The following TSPAN18 variants were observed in gnomAD, a reference collection of about 807,000 sequenced individuals.
The protein encoded by TSPAN18 is tetraspanin-18.
Under a neutral mutation model 27.3 loss-of-function variants are expected in TSPAN18, and 14 were observed. That is an observed-to-expected ratio of 0.51 (90% CI 0.34 to 0.80). The LOEUF is 0.80. TSPAN18 is among the 30% of genes least tolerant of loss of function. The pLI is 0.01. For synonymous variants in TSPAN18, 143 were observed against 136.5 expected (o/e 1.05, Z -0.33); for missense variants, 268 against 323.9 (o/e 0.83, Z 1.32).
chr11:44,866,066 A>T (rs1411767987), intron 3 of TSPAN18, among the ~76,000 whole-genome samples: 1 of 152,248 alleles, frequency 6.6e-6, no homozygotes, highest in Non-Finnish European at 1.5e-5. Flanking sequence ...TGACCCCGGC[A>T]GCACAATCGA....
chr11:44,780,811 G>A (rs1855920666), intron 2 of TSPAN18, among the ~76,000 whole-genome samples: 1 of 152,322 alleles, frequency 6.6e-6, no homozygotes, highest in South Asian at 2.1e-4. Context: ...AATGGTAGCT[G>A]TGAATACAGA....
chr11:44,847,437 G>A (rs190252490), intron 2 of TSPAN18, among the ~76,000 whole-genome samples: 44 of 152,188 alleles, frequency 2.9e-4, no homozygotes, highest in Non-Finnish European at 5.1e-4. Context: ...TTTGCATAAT[G>A]TTTGGGAGGT....
intron 1 of TSPAN18, among the ~76,000 whole-genome samples, chr11:44,759,514 C>A (rs1219277390): frequency 6.6e-6 from 1 of 152,180 alleles, no homozygotes; most frequent in Non-Finnish European, 1.5e-5. Context: ...CCTAGTTCTG[C>A]CTTCCCACAT....
chr11:44,832,132 G>C (rs898959066), intron 2 of TSPAN18, among the ~76,000 whole-genome samples: 1 of 152,140 alleles, frequency 6.6e-6, no homozygotes, highest in African/African-American at 2.4e-5. Context: ...CCCTACCTAT[G>C]ACCCAGGCGT....
In TSPAN18 at chr11:44,930,887, A is replaced by G. The variant is rs376982042; in HGVS notation, c.*1709A>G. The G allele has an allele frequency of 7.2e-5, 38 of 524,464 alleles. No homozygotes were observed. Among genetic ancestry groups the G allele is most frequent in the African/African-American group, 6.7e-4 (35 of 51,852 alleles). The allele number at this position is 524,464 out of a possible 1,614,324, so 32.5% of individuals were successfully genotyped here. On this transcript the variant is annotated 3_prime_UTR_variant, in exon 10 of 10. Transcript: ENST00000520358. ...GAAGAAAGAGCTCATTCTGTCTCAC[A>G]AGCCACCGGCATCCTGTATCAGCTT...
chr11:44,868,669 C>CT (rs1178493013), intron 3 of TSPAN18, among the ~76,000 whole-genome samples: 1 of 152,226 alleles, frequency 6.6e-6, no homozygotes, highest in African/African-American at 2.4e-5. Flanking sequence ...TGAGCTCATC[C>CT]TACAGTGAGT....
chr11:44,835,350 T>C (rs1857243530), intron 2 of TSPAN18, among the ~76,000 whole-genome samples: 1 of 152,228 alleles, frequency 6.6e-6, no homozygotes, highest in South Asian at 2.1e-4. Flanking sequence ...CATATCCATA[T>C]AGGGACTGGA....
At chr11:44,780,483 C>T (rs890239871) in intron 2 of TSPAN18, among the ~76,000 whole-genome samples, 4 of 152,236 alleles carry the variant, frequency 2.6e-5, no homozygotes, top group African/African-American at 7.2e-5. Context: ...ACCTACCATC[C>T]GTTCATTCCA....
chr11:44,897,579 G>A (rs1415143068), intron 3 of TSPAN18, among the ~76,000 whole-genome samples: 1 of 152,232 alleles, frequency 6.6e-6, no homozygotes, highest in East Asian at 1.9e-4. Flanking sequence ...CTCCCCCGCT[G>A]GAGTGGCCTC....
intron 5 of TSPAN18, chr11:44,917,681 G>A (rs1243955697): frequency 3.0e-6 from 1 of 335,112 alleles, no homozygotes; most frequent in Non-Finnish European, 5.4e-6. Flanking sequence ...GGGTGGCTGA[G>A]TAGGGTTGTT....
intron 2 of TSPAN18, among the ~76,000 whole-genome samples, chr11:44,794,952 G>A (rs1856314371): frequency 6.6e-6 from 1 of 152,184 alleles, no homozygotes; most frequent in Non-Finnish European, 1.5e-5. Flanking sequence ...AACTGAATCA[G>A]TGGGAAAAAT....
At chr11:44,832,252 C>T (rs1301745109) in intron 2 of TSPAN18, among the ~76,000 whole-genome samples, 1 of 152,186 alleles carries the variant, frequency 6.6e-6, no homozygotes, top group African/African-American at 2.4e-5. Flanking sequence ...TCCGAGCCAC[C>T]TCCTTTCCAT....
At chr11:44,908,298 AACCCTCAC>A (rs1327792012) in intron 4 of TSPAN18, among the ~76,000 whole-genome samples, 1 of 152,064 alleles carries the variant, frequency 6.6e-6, no homozygotes, top group Non-Finnish European at 1.5e-5. Flanking sequence ...CCCAGCTGTC[AACCCTCAC>A]ACAGGCCTCT....
At chr11:44,753,970 T>G (rs892417576) in intron 1 of TSPAN18, among the ~76,000 whole-genome samples, 4 of 152,202 alleles carry the variant, frequency 2.6e-5, no homozygotes, top group Non-Finnish European at 5.9e-5. Context: ...GCTCTCTGGT[T>G]TTCTAACTTT....
chr11:44,897,862 T>C (rs11038190), intron 3 of TSPAN18: 78,918 of 1,288,448 alleles, frequency 0.061, 2,766 homozygotes, highest in African/African-American at 0.13. Flanking sequence ...CCCTTCTCAG[T>C]GTACCTCTGC....
At chr11:44,916,044 C>T (rs1025307577) in intron 5 of TSPAN18, among the ~76,000 whole-genome samples, 22 of 152,196 alleles carry the variant, frequency 1.4e-4, no homozygotes, top group African/African-American at 3.9e-4. Flanking sequence ...ATCCCCGCCA[C>T]GGGCTGGGCT....
Position 44,924,831 on chromosome 11 carries a change from A to G in TSPAN18, c.616-1843A>G, listed in dbSNP as rs1191507344. ...TGGGTGCAGCACACCAACATGGCAC[A>G]TGGATACATATGTAACAAACCTGCA... On this transcript the variant is annotated intron_variant, in intron 8 of 9. Coordinates refer to ENST00000520358, the MANE Select transcript of TSPAN18 (RefSeq NM_130783.5). 2.0e-5 allele frequency among the ~76,000 whole-genome samples: 3 copies of G among 152,378 alleles called. No individual in the cohort carries two copies. In the South Asian group the frequency reaches 6.2e-4, roughly 32 times the overall value.
chr11:44,910,379 C>G (rs796668581), intron 5 of TSPAN18, among the ~76,000 whole-genome samples: 3 of 152,344 alleles, frequency 2.0e-5, no homozygotes, highest in African/African-American at 7.2e-5. Context: ...GGGGCGGTCC[C>G]CAGCCTTTTC....
Position 44,871,137 on chromosome 11 carries a change from T to G in TSPAN18, c.-11+10668T>G, listed in dbSNP as rs190439055. 5.3e-5 allele frequency among the ~76,000 whole-genome samples: 8 copies of G among 152,278 alleles called. No individual in the cohort carries two copies. In the East Asian group the frequency reaches 1.4e-3, roughly 26 times the overall value. ...AGACTGGAGGGAACTGTCTAGAGTA[T>G]TTACTCTTGCTGTCTGTCATTTGCA... On this transcript the variant is annotated intron_variant, in intron 3 of 9. Transcript: ENST00000520358.
Sources: gnomAD v4.1 joint callset for allele counts (sites outside exome capture counted in the v4.1 genomes callset) on GRCh38, gnomAD v4.1.1 for gene constraint, MANE v1.5 for transcripts, NCBI Gene and HGNC (gene_info 2026-07-23, HGNC 2026-07-21) for gene names.